Variants in DCLK2 observed in about 807,000 individuals in gnomAD.
The protein encoded by DCLK2 is doublecortin like kinase 2.
DCLK2 carries 31 observed loss-of-function variants against 78.4 expected under a neutral mutation model. The ratio of observed to expected loss-of-function variants is 0.40; its 90% CI spans 0.30 to 0.53. The LOEUF is 0.53. Ranked by LOEUF, DCLK2 falls within the 20% of genes least tolerant of loss-of-function variation. The probability of loss-of-function intolerance (pLI) is 0.61; values close to 1 mark genes in which losing one functional copy is unlikely to be tolerated. For synonymous variants in DCLK2, 407 were observed against 374.9 expected, an observed-to-expected ratio of 1.09 and a Z score of -0.99; for missense variants, 872 against 973.7, an observed-to-expected ratio of 0.90 and a Z score of 1.39.
At chr4:150,205,004 C>T (rs901743389) in intron 5 of DCLK2, among the ~76,000 whole-genome samples, 1 of 152,022 alleles carries the variant, frequency 6.6e-6, no homozygotes, top group Non-Finnish European at 1.5e-5. Flanking sequence ...CATAAATTAA[C>T]TTTAATTCCC....
rs189585568 is a variant in DCLK2, at chr4:150,191,834, C to G, written c.757-1304C>G. Among the ~76,000 whole-genome samples, 9 of 152,304 alleles carry G rather than the reference C, an allele frequency of 5.9e-5. No individual in the cohort carries two copies. The East Asian group carries it at 1.4e-3, about 23-fold the overall frequency. Reference sequence around the variant, plus strand: ...TTGTATCTAGTTCACTTTCTTCTCTCTGGAGCATTGTTTTCTAACTCTGTA... The same window carrying G: ...TTGTATCTAGTTCACTTTCTTCTCTGTGGAGCATTGTTTTCTAACTCTGTA... On this transcript the variant is annotated intron_variant, in intron 2 of 15. Coordinates refer to ENST00000296550, the MANE Select transcript of DCLK2 (RefSeq NM_001040260.4).
intron 1 of DCLK2, among the ~76,000 whole-genome samples, chr4:150,102,083 T>C (rs1429308222): frequency 6.6e-6 from 1 of 152,242 alleles, no homozygotes; most frequent in Non-Finnish European, 1.5e-5. Flanking sequence ...TAATTATTTC[T>C]ACCAGAATGA....
intron 4 of DCLK2, among the ~76,000 whole-genome samples, chr4:150,202,839 C>T (rs75028123): frequency 0.043 from 6,508 of 152,138 alleles, 204 homozygotes; most frequent in Non-Finnish European, 0.068. Flanking sequence ...ATGTTAACTA[C>T]TAGTTTTGTG....
In DCLK2 at chr4:150,079,380, AG is replaced by A; in HGVS notation, c.356del (p.Gly119ValfsTer49). ...RSLSDNVNLP[Q>X]GVRTIYTIDG... ...CTGTCGGACAACGTGAACCTGCCCCAGGGTGTCCGCACTATCTACACCATCG... is the reference window on the plus strand; with the variant it reads ...CTGTCGGACAACGTGAACCTGCCCCAGGTGTCCGCACTATCTACACCATCG... On this transcript the variant is annotated frameshift_variant, in exon 1 of 16. Transcript: ENST00000296550. LOFTEE classifies it high-confidence loss of function. The A allele has an allele frequency of 6.3e-7, 1 of 1,589,536 alleles. No homozygotes were observed. Among genetic ancestry groups the A allele is most frequent in the Non-Finnish European group, 8.6e-7 (1 of 1,168,120 alleles).
chr4:150,245,520 C>T (rs1026205032), intron 12 of DCLK2, among the ~76,000 whole-genome samples: 3 of 152,160 alleles, frequency 2.0e-5, no homozygotes, highest in Non-Finnish European at 2.9e-5. Flanking sequence ...CCTCCCCCTT[C>T]CCCTACCCCA....
chr4:150,204,032 A>G (rs993340976), intron 5 of DCLK2, 143 bp downstream of exon 5: 4 of 708,424 alleles, frequency 5.6e-6, no homozygotes, highest in African/African-American at 5.4e-5. Flanking sequence ...CTTGACTTCG[A>G]ATCCTGTGTA....
At chr4:150,109,202 A>G (rs1056379854) in intron 2 of DCLK2, among the ~76,000 whole-genome samples, 15 of 152,248 alleles carry the variant, frequency 9.9e-5, no homozygotes, top group South Asian at 2.1e-4. Flanking sequence ...ATTGCTACAT[A>G]AAAGTCAAAT....
intron 2 of DCLK2, among the ~76,000 whole-genome samples, chr4:150,172,401 A>G (rs2150261296): frequency 6.6e-6 from 1 of 152,060 alleles, no homozygotes; most frequent in East Asian, 1.9e-4. Context: ...CAGGAGATTG[A>G]GACCATCCTG....
chr4:150,224,556 A>C lies in DCLK2; in HGVS notation c.1297A>C (p.Lys433Gln). ...TATAGACAAAGCCAAATGTTGTGGA[A>C]AGGTATAGTATGCATAACCCCTAGT... is the stretch of plus-strand genomic sequence containing the variant. ...KIIDKAKCCG[K>Q]EHLIENEVSI... The change falls in exon 8 of 16, where the codon AAG becomes CAG. Residue 433 changes from lysine to glutamine, a missense_variant and splice_region_variant. Physicochemically the swap from Lys to Gln is moderately conservative, Grantham distance 53 (BLOSUM62 1). This residue lies in a region of DCLK2 where 567 missense variants were observed against 593.4 expected (regional missense o/e 0.96). Transcript: ENST00000296550. The C allele has an allele frequency of 6.2e-7, 1 of 1,611,824 alleles. No individual in the cohort carries two copies. The highest frequency in any genetic ancestry group is 1.3e-5 in the African/African-American group (1 of 74,926).
intron 2 of DCLK2, among the ~76,000 whole-genome samples, chr4:150,125,115 A>G (rs1292490775): frequency 1.3e-5 from 2 of 152,184 alleles, no homozygotes; most frequent in African/African-American, 4.8e-5. Context: ...GTCGTTCTCA[A>G]GATCATCTTG....
chr4:150,101,421 T>A (rs909380064), intron 1 of DCLK2, among the ~76,000 whole-genome samples: 1 of 152,158 alleles, frequency 6.6e-6, no homozygotes, highest in Admixed American at 6.5e-5. Flanking sequence ...TCTCGGGAAT[T>A]CTCTTTCACT....
intron 1 of DCLK2, among the ~76,000 whole-genome samples, chr4:150,087,070 T>G (rs937778004): frequency 6.6e-6 from 1 of 152,240 alleles, no homozygotes; most frequent in African/African-American, 2.4e-5. Flanking sequence ...TTAAAACATG[T>G]TATAATTCAA....
intron 2 of DCLK2, among the ~76,000 whole-genome samples, chr4:150,152,972 G>A (rs533408313): frequency 5.9e-5 from 9 of 152,306 alleles, no homozygotes; most frequent in Admixed American, 2.6e-4. Flanking sequence ...TAGAACAAAG[G>A]AATGACTCAA....
chr4:150,232,882 G>T, intron 10 of DCLK2, 54 bp downstream of exon 10: 1 of 1,579,478 alleles, frequency 6.3e-7, no homozygotes, highest in Non-Finnish European at 8.6e-7. Flanking sequence ...CCTTTAAAAG[G>T]AGCACATGCA....
At chr4:150,226,428 T>C (rs1251203514) in intron 8 of DCLK2, among the ~76,000 whole-genome samples, 1 of 152,152 alleles carries the variant, frequency 6.6e-6, no homozygotes, top group East Asian at 1.9e-4. Flanking sequence ...GTAAGGGTTC[T>C]GCTTTCGATG....
intron 2 of DCLK2, among the ~76,000 whole-genome samples, chr4:150,189,436 G>A (rs1054807363): frequency 2.3e-4 from 35 of 152,148 alleles, no homozygotes; most frequent in African/African-American, 8.2e-4. Context: ...TGAGAAAGCC[G>A]CATGCTGTCA....
chr4:150,122,566 A>C (rs1732626661), intron 2 of DCLK2, among the ~76,000 whole-genome samples: 1 of 152,148 alleles, frequency 6.6e-6, no homozygotes, highest in Admixed American at 6.5e-5. Flanking sequence ...GAACACATGG[A>C]CACAGGGAGG....
At chr4:150,248,413 GC>G (rs761718652) in intron 14 of DCLK2, 28 bp downstream of exon 14, 1 of 1,585,550 alleles carries the variant, frequency 6.3e-7, no homozygotes, top group Non-Finnish European at 8.7e-7. Context: ...CAGGGAATGG[GC>G]CTCACTGTGC....
intron 2 of DCLK2, among the ~76,000 whole-genome samples, chr4:150,120,238 C>CA (rs1409790089): frequency 6.6e-6 from 1 of 152,164 alleles, no homozygotes; most frequent in African/African-American, 2.4e-5. Context: ...TTTGGGGACT[C>CA]ACAATAGCTT....
Sources: allele counts gnomAD v4.1 joint callset (sites outside exome capture counted in the v4.1 genomes callset), GRCh38; gene constraint gnomAD v4.1.1; regional missense constraint gnomAD v4.1.1; transcripts MANE v1.5; gene names NCBI Gene and HGNC (gene_info 2026-07-23, HGNC 2026-07-21).